Variants in LINGO2 observed in about 807,000 individuals in gnomAD.
LINGO2 encodes leucine rich repeat and Ig domain containing 2, also known as leucine-rich repeat and immunoglobulin-like domain-containing nogo receptor-interacting protein 2.
A neutral mutation model predicts 30.6 loss-of-function variants in LINGO2; 14 were observed. The ratio of observed to expected loss-of-function variants is 0.46; its 90% CI spans 0.30 to 0.72. The LOEUF (loss-of-function observed/expected upper bound fraction) is 0.72, where lower values mean the gene tolerates loss of function less well. Ranked by LOEUF, LINGO2 falls within the 30% of genes least tolerant of loss-of-function variation. The probability of loss-of-function intolerance (pLI) is 0.07; values close to 1 mark genes in which losing one functional copy is unlikely to be tolerated. For synonymous variants in LINGO2, 317 were observed against 288.5 expected, an observed-to-expected ratio of 1.10 and a Z score of -1.00; for missense variants, 729 against 751.7, an observed-to-expected ratio of 0.97 and a Z score of 0.35.
At chr9:28,884,038 G>A in the LINGO2 span, among the ~76,000 whole-genome samples, 1 of 151,996 alleles carries the variant, frequency 6.6e-6, no homozygotes, top group East Asian at 1.9e-4. Context: ...ATCATTAAAT[G>A]TTAATTCCAT....
chr9:29,093,221 C>T, the LINGO2 span, among the ~76,000 whole-genome samples: 11 of 132,944 alleles, frequency 8.3e-5, 3 homozygotes, highest in Middle Eastern at 8.5e-3. Flanking sequence ...CCTGTAGAAA[C>T]AACTCATATA....
chr9:28,022,457 C>G lies in LINGO2; in HGVS notation c.-86-10052G>C, dbSNP rs115132277. ...TCTGACCTATATAATTTCCTTTTCCCTGAAGGATTTATTTTAACATCTGCA... is the reference window on the plus strand; with the variant it reads ...TCTGACCTATATAATTTCCTTTTCCGTGAAGGATTTATTTTAACATCTGCA... On this transcript the variant is annotated intron_variant, in intron 4 of 5. Coordinates refer to ENST00000379992, the Ensembl canonical transcript of LINGO2. Among the ~76,000 whole-genome samples, 804 of 152,060 alleles carry G rather than the reference C, an allele frequency of 5.3e-3. 9 individuals are homozygous for G. The highest frequency in any genetic ancestry group is 0.018 in the African/African-American group (732 of 41,506).
chr9:28,762,261 T>C, the LINGO2 span, among the ~76,000 whole-genome samples: 2 of 151,966 alleles, frequency 1.3e-5, no homozygotes, highest in Non-Finnish European at 2.9e-5. Flanking sequence ...GTTATAACTT[T>C]AGTGTCATGG....
At chr9:28,771,765 A>T in the LINGO2 span, among the ~76,000 whole-genome samples, 1 of 152,142 alleles carries the variant, frequency 6.6e-6, no homozygotes, top group African/African-American at 2.4e-5. Context: ...GGCTATTAGG[A>T]AAGATGCTTT....
Position 27,999,435 on chromosome 9 carries a change from T to TGAGAGAGA in LINGO2, c.-36+12919_-36+12920insTCTCTCTC, listed in dbSNP as rs1156717819. 5.2e-3 allele frequency among the ~76,000 whole-genome samples: 538 copies of TGAGAGAGA among 102,990 alleles called. 4 individuals are homozygous for TGAGAGAGA. Among genetic ancestry groups the TGAGAGAGA allele is most frequent in the African/African-American group, 0.018 (484 of 26,268 alleles). 67.6% of individuals were successfully genotyped at this position (102,990 alleles called of 152,430 possible). A position where few individuals can be genotyped will look rare whatever the true frequency, so the allele number is the denominator to read the frequency against. On this transcript the variant is annotated intron_variant, in intron 5 of 5. Coordinates refer to ENST00000379992, the Ensembl canonical transcript of LINGO2. ...ACGACTTAATCACAGTGCCTAATCTTCAGAGAGAGAGAGAGAGAGAGAGAG... is the reference window on the plus strand; with the variant it reads ...ACGACTTAATCACAGTGCCTAATCTTGAGAGAGACAGAGAGAGAGAGAGAGAGAGAGAG...
chr9:28,268,851 T>C (rs1822843448), intron 4 of LINGO2, among the ~76,000 whole-genome samples: 2 of 152,100 alleles, frequency 1.3e-5, no homozygotes, highest in South Asian at 2.1e-4. Context: ...TATTCTTCAG[T>C]TGAGTGTCAT....
chr9:28,077,021 T>C (rs1825643596), intron 4 of LINGO2, among the ~76,000 whole-genome samples: 1 of 152,200 alleles, frequency 6.6e-6, no homozygotes, highest in Non-Finnish European at 1.5e-5. Flanking sequence ...GTAGGGGTAC[T>C]TTTTACCAAC....
chr9:28,818,840 G>T, the LINGO2 span, among the ~76,000 whole-genome samples: 1 of 151,810 alleles, frequency 6.6e-6, no homozygotes, highest in Non-Finnish European at 1.5e-5. Context: ...TTATTCACAG[G>T]GTGTAAACTA....
chr9:28,374,142 GCCT>G (rs1265949816), intron 2 of LINGO2, among the ~76,000 whole-genome samples: 1 of 150,892 alleles, frequency 6.6e-6, no homozygotes, highest in Non-Finnish European at 1.5e-5. Flanking sequence ...CGACGTGAAG[GCCT>G]ACGGAGTATT....
At chr9:28,328,614 G>C (rs564632581) in intron 3 of LINGO2, among the ~76,000 whole-genome samples, 1 of 150,766 alleles carries the variant, frequency 6.6e-6, no homozygotes, top group Non-Finnish European at 1.5e-5. Context: ...ATTTAATCTT[G>C]GGAATGGCAT....
chr9:28,038,459 C>T (rs1480984715), intron 4 of LINGO2, among the ~76,000 whole-genome samples: 3 of 152,164 alleles, frequency 2.0e-5, no homozygotes, highest in African/African-American at 7.2e-5. Context: ...TTTGGGAGGC[C>T]GAGGCGGGCG....
At chr9:28,953,700 T>G in the LINGO2 span, among the ~76,000 whole-genome samples, 2 of 152,122 alleles carry the variant, frequency 1.3e-5, no homozygotes, top group Non-Finnish European at 2.9e-5. Context: ...CATGTATTTT[T>G]GGAGAAAAGA....
intron 4 of LINGO2, among the ~76,000 whole-genome samples, chr9:28,265,063 C>T (rs1317246198): frequency 4.6e-5 from 7 of 151,938 alleles, no homozygotes; most frequent in Non-Finnish European, 7.4e-5. Context: ...GGCAAAGTTT[C>T]CAGCCTGCCA....
At chr9:28,797,510 T>G in the LINGO2 span, among the ~76,000 whole-genome samples, 1 of 151,408 alleles carries the variant, frequency 6.6e-6, no homozygotes, top group Non-Finnish European at 1.5e-5. Context: ...GAGGTTGAAC[T>G]GAGACACTTT....
At chr9:29,027,853 C>T in the LINGO2 span, among the ~76,000 whole-genome samples, 1 of 152,044 alleles carries the variant, frequency 6.6e-6, no homozygotes, top group Non-Finnish European at 1.5e-5. Context: ...GAAATAGTAG[C>T]TAAATCATGG....
chr9:28,713,369 GA>G, the LINGO2 span, among the ~76,000 whole-genome samples: 1 of 152,234 alleles, frequency 6.6e-6, no homozygotes, highest in South Asian at 2.1e-4. Context: ...AACTAGTCAT[GA>G]AGCTGACTGT....
the LINGO2 span, among the ~76,000 whole-genome samples, chr9:28,955,235 A>G: frequency 6.6e-6 from 1 of 152,166 alleles, no homozygotes; most frequent in Non-Finnish European, 1.5e-5. Context: ...GCTAACAGAG[A>G]TAGACAGGCA....
At chr9:28,394,008 T>TC (rs981410662) in intron 2 of LINGO2, among the ~76,000 whole-genome samples, 5 of 146,408 alleles carry the variant, frequency 3.4e-5, no homozygotes, top group Non-Finnish European at 6.1e-5. Context: ...CTTTTTTTTT[T>TC]CCCTTGTCTC....
At chr9:29,125,252 G>A in the LINGO2 span, among the ~76,000 whole-genome samples, 23 of 152,138 alleles carry the variant, frequency 1.5e-4, no homozygotes, top group Non-Finnish European at 2.9e-4. Context: ...ACACACCAAG[G>A]CTTGTCAGGG....
Sources: gnomAD v4.1 joint callset for allele counts (sites outside exome capture counted in the v4.1 genomes callset) on GRCh38, gnomAD v4.1.1 for gene constraint, MANE v1.5 for transcripts, NCBI Gene and HGNC (gene_info 2026-07-23, HGNC 2026-07-21) for gene names.